The following SPPL3 variants were observed in gnomAD, a reference collection of about 807,000 sequenced individuals.
SPPL3 encodes signal peptide peptidase-like 3.
In SPPL3, 5 loss-of-function variants were observed where a neutral mutation model predicts 42.4. The ratio of observed to expected loss-of-function variants is 0.12; its 90% confidence interval spans 0.06 to 0.25. SPPL3 has a LOEUF of 0.25. SPPL3 is among the 10% of genes least tolerant of loss of function. The pLI, the probability that SPPL3 is intolerant of heterozygous loss-of-function variation, is 1.00. For missense variants in SPPL3, 235 were observed against 489.0 expected (o/e 0.48, Z 4.90); for synonymous variants, 195 against 181.8 (o/e 1.07, Z -0.58).
chr12:120,782,558 T>G (rs1869581024), intron 6 of SPPL3, 97 bp downstream of exon 6: 1 of 955,196 alleles, frequency 1.0e-6, no homozygotes, highest in Admixed American at 2.5e-5. Flanking sequence ...CTCTAAAAGT[T>G]TATTGTAGTG....
chr12:120,861,446 A>G (rs1872616504), intron 1 of SPPL3, among the ~76,000 whole-genome samples: 1 of 152,212 alleles, frequency 6.6e-6, no homozygotes, highest in African/African-American at 2.4e-5. Flanking sequence ...GGAAGGGAAA[A>G]AGAGTAAGAT....
intron 3 of SPPL3, among the ~76,000 whole-genome samples, chr12:120,785,980 A>C (rs1869710598): frequency 6.6e-6 from 1 of 151,802 alleles, no homozygotes; most frequent in African/African-American, 2.4e-5. Context: ...ATATGTAACC[A>C]GGATAAACAT....
chr12:120,805,221 T>C (rs991778949), intron 2 of SPPL3, among the ~76,000 whole-genome samples: 1 of 152,218 alleles, frequency 6.6e-6, no homozygotes, highest in African/African-American at 2.4e-5. Context: ...GACCAAACTT[T>C]ATGGTATTTA....
intron 1 of SPPL3, among the ~76,000 whole-genome samples, chr12:120,898,987 A>G (rs1341362500): frequency 6.6e-6 from 1 of 152,200 alleles, no homozygotes; most frequent in African/African-American, 2.4e-5. Context: ...TTGCTTCATC[A>G]AGAGACGAGT....
chr12:120,781,554 C>T (rs971326597), intron 6 of SPPL3, among the ~76,000 whole-genome samples: 1 of 69,162 alleles, frequency 1.4e-5, no homozygotes, highest in South Asian at 3.8e-4. Context: ...CTTATTGTTA[C>T]GTTTTTTTTT....
Position 120,836,010 on chromosome 12 carries a change from A to G in SPPL3, c.24-25124T>C, listed in dbSNP as rs1871607552. ...TCCTTTGTACTTTTTATGAAATTCA[A>G]ATGAGTTCACATTTCAAAATTGAAG... On this transcript the variant is annotated intron_variant, in intron 1 of 10. Transcript: ENST00000353487. Among the ~76,000 whole-genome samples the G allele has an allele frequency of 2.6e-5, 4 of 152,164 alleles. No homozygotes were observed. In the South Asian group the frequency reaches 8.3e-4, roughly 32 times the overall value.
intron 6 of SPPL3, among the ~76,000 whole-genome samples, chr12:120,770,722 C>T (rs1299983882): frequency 6.6e-6 from 1 of 152,234 alleles, no homozygotes; most frequent in Non-Finnish European, 1.5e-5. Flanking sequence ...GGCCTTTCCT[C>T]AGATCTTTTC....
At chr12:120,872,619 T>A (rs530651005) in intron 1 of SPPL3, among the ~76,000 whole-genome samples, 2 of 152,216 alleles carry the variant, frequency 1.3e-5, no homozygotes, top group Middle Eastern at 3.4e-3. Context: ...GCAGAAGGGT[T>A]CCTTTCAGTC....
intron 3 of SPPL3, among the ~76,000 whole-genome samples, chr12:120,788,194 A>G (rs1869788952): frequency 6.6e-6 from 1 of 152,108 alleles, no homozygotes; most frequent in Admixed American, 6.5e-5. Context: ...CAAGGTTTTT[A>G]ATTTTAGCTA....
intron 1 of SPPL3, among the ~76,000 whole-genome samples, chr12:120,882,500 AAGAT>A (rs1386142634): frequency 3.3e-5 from 5 of 152,132 alleles, no homozygotes; most frequent in African/African-American, 7.3e-5. Flanking sequence ...CATTTCTAGA[AAGAT>A]AGAAAGAAAA....
intron 6 of SPPL3, among the ~76,000 whole-genome samples, chr12:120,772,975 A>T (rs901413898): frequency 1.8e-4 from 28 of 152,352 alleles, no homozygotes; most frequent in African/African-American, 6.5e-4. Context: ...GGTCTCCTTT[A>T]ATTTTTAAAT....
At chr12:120,813,312 C>A (rs1454125559) in intron 1 of SPPL3, among the ~76,000 whole-genome samples, 1 of 149,642 alleles carries the variant, frequency 6.7e-6, no homozygotes, top group Non-Finnish European at 1.5e-5. Flanking sequence ...GCTTTTGGAT[C>A]CTCAGCTTTT....
intron 6 of SPPL3, among the ~76,000 whole-genome samples, chr12:120,778,479 T>A (rs1410041791): frequency 6.6e-6 from 1 of 152,072 alleles, no homozygotes; most frequent in Non-Finnish European, 1.5e-5. Context: ...CCCACATGCA[T>A]TTACAGAGTC....
At chr12:120,823,446 C>G (rs1218661823) in intron 1 of SPPL3, among the ~76,000 whole-genome samples, 1 of 152,150 alleles carries the variant, frequency 6.6e-6, no homozygotes, top group Non-Finnish European at 1.5e-5. Flanking sequence ...CAATATCTTA[C>G]TTGATATCCC....
intron 1 of SPPL3, among the ~76,000 whole-genome samples, chr12:120,838,278 C>G (rs1871689659): frequency 6.6e-6 from 1 of 152,182 alleles, no homozygotes; most frequent in Admixed American, 6.5e-5. Flanking sequence ...TCCTTATCAG[C>G]TCTACAGGAG....
At chr12:120,875,231 T>C (rs1873049648) in intron 1 of SPPL3, among the ~76,000 whole-genome samples, 1 of 152,170 alleles carries the variant, frequency 6.6e-6, no homozygotes, top group African/African-American at 2.4e-5. Flanking sequence ...ACTGGTGGCC[T>C]TTTATGCCAT....
intron 1 of SPPL3, among the ~76,000 whole-genome samples, chr12:120,861,537 T>C (rs944373082): frequency 2.0e-5 from 3 of 152,150 alleles, no homozygotes; most frequent in Non-Finnish European, 4.4e-5. Context: ...CAGGCTGTGG[T>C]AGATCCTTGC....
chr12:120,770,977 A>G (rs1869099476), intron 6 of SPPL3, among the ~76,000 whole-genome samples: 1 of 152,200 alleles, frequency 6.6e-6, no homozygotes, highest in South Asian at 2.1e-4. Flanking sequence ...CCAATTGTGC[A>G]GACGGAAATC....
intron 1 of SPPL3, among the ~76,000 whole-genome samples, chr12:120,889,740 T>C (rs1246694971): frequency 6.6e-6 from 1 of 152,248 alleles, no homozygotes; most frequent in African/African-American, 2.4e-5. Context: ...CTAACTGATA[T>C]AGTCACCAAT....
Sources: allele counts gnomAD v4.1 joint callset (sites outside exome capture counted in the v4.1 genomes callset), GRCh38; gene constraint gnomAD v4.1.1; transcripts MANE v1.5; gene names NCBI Gene and HGNC (gene_info 2026-07-23, HGNC 2026-07-21).